The following MBNL2 variants were observed in gnomAD, a reference collection of about 807,000 sequenced individuals.
MBNL2 encodes muscleblind like splicing regulator 2.
Under a neutral mutation model 41.9 loss-of-function variants are expected in MBNL2, and 17 were observed. That is an observed-to-expected ratio of 0.41 (90% CI 0.28 to 0.61). MBNL2 has a LOEUF of 0.61. MBNL2 is among the 20% of genes least tolerant of loss of function. The probability of loss-of-function intolerance (pLI) is 0.35; values close to 1 mark genes in which losing one functional copy is unlikely to be tolerated. For synonymous variants in MBNL2, 195 were observed against 182.9 expected (o/e 1.07, Z -0.53); for missense variants, 336 against 505.6 (o/e 0.66, Z 3.22).
rs1032648479 is a variant in MBNL2 at position 97,393,048 on chromosome 13, C to T, written c.*1599C>T. 4.6e-5 allele frequency: 7 copies of T among 152,508 alleles called. No individual in the cohort carries two copies. The highest frequency in any genetic ancestry group is 6.8e-3 in the Middle Eastern group (2 of 294). The allele number at this position is 152,508 out of a possible 1,614,324, so 9.4% of individuals were successfully genotyped here. ...GAATTACTATCTATTTATCTTATAT[C>T]GTAGATCTGATAACCCTATCTAAAA... On this transcript the variant is annotated 3_prime_UTR_variant, in exon 9 of 9. Coordinates refer to ENST00000679496, the MANE Select transcript of MBNL2 (RefSeq NM_001382683.1).
chr13:97,381,916 C>G lies in MBNL2; in HGVS notation c.1049-9406C>G, dbSNP rs180983744. Among the ~76,000 whole-genome samples the G allele has an allele frequency of 2.2e-4, 33 of 151,964 alleles. 1 individual carries two copies. The East Asian group carries it at 6.4e-3, about 29-fold the overall frequency. On this transcript the variant is annotated intron_variant, in intron 8 of 8. Coordinates refer to ENST00000679496, the MANE Select transcript of MBNL2 (RefSeq NM_001382683.1). ...ATATTATGTTACATAATATTAAGACCTACCTTGGGAATACAGCAGTGAATA... is the reference window on the plus strand; with the variant it reads ...ATATTATGTTACATAATATTAAGACGTACCTTGGGAATACAGCAGTGAATA...
intron 1 of MBNL2, among the ~76,000 whole-genome samples, chr13:97,227,065 CAAA>C (rs5806007): frequency 7.0e-6 from 1 of 143,870 alleles, no homozygotes; most frequent in African/African-American, 2.6e-5. Flanking sequence ...AAAAAAAAAT[CAAA>C]AAAAAAAAAT....
chr13:97,292,289 T>C (rs2056278272), intron 2 of MBNL2, among the ~76,000 whole-genome samples: 1 of 151,844 alleles, frequency 6.6e-6, no homozygotes, highest in Non-Finnish European at 1.5e-5. Flanking sequence ...CCATTTGCAC[T>C]GCTGGTAATT....
At chr13:97,233,692 A>G (rs1406236046) in intron 1 of MBNL2, among the ~76,000 whole-genome samples, 1 of 149,078 alleles carries the variant, frequency 6.7e-6, no homozygotes. Context: ...TTTTTTCTTT[A>G]AAGTTCCCTG....
chr13:97,263,871 G>T (rs1463687675), intron 1 of MBNL2, among the ~76,000 whole-genome samples: 1 of 152,098 alleles, frequency 6.6e-6, no homozygotes, highest in African/African-American at 2.4e-5. Flanking sequence ...GCCCGCCTCG[G>T]CCTCCGAAAG....
At chr13:97,146,437 T>C in the MBNL2 span, among the ~76,000 whole-genome samples, 190 of 152,306 alleles carry the variant, frequency 1.2e-3, 1 homozygote, top group African/African-American at 4.0e-3. Flanking sequence ...ATGAGGTTTG[T>C]AGCTTACAAA....
chr13:97,287,918 G>GTTTTGTTTTGTTTTTTTTTTTTTTT (rs2054901165), intron 2 of MBNL2, among the ~76,000 whole-genome samples: 1 of 124,630 alleles, frequency 8.0e-6, no homozygotes, highest in African/African-American at 3.5e-5. Flanking sequence ...CTAATTTTCT[G>GTTTTGTTTTGTTTTTTTTTTTTTTT]TTTTTTTTTT....
chr13:97,383,245 A>G (rs2065639371), intron 8 of MBNL2, among the ~76,000 whole-genome samples: 1 of 152,168 alleles, frequency 6.6e-6, no homozygotes. Flanking sequence ...GGGGATTATA[A>G]TCAAAGCCTA....
At chr13:97,154,168 G>T in the MBNL2 span, among the ~76,000 whole-genome samples, 8 of 152,150 alleles carry the variant, frequency 5.3e-5, no homozygotes, top group African/African-American at 1.7e-4. Flanking sequence ...TCCTCTGGAA[G>T]CCCAAAGTCA....
rs562469138 is a variant in MBNL2, at chr13:97,335,446, CTTG to C, written c.339+1011_339+1013del. ...GATGGCTACCAGCAAATTTGATTTT[CTTG>C]TTGTGTTCCCTGTGAGATGGGGTGT... On this transcript the variant is annotated intron_variant, in intron 3 of 8. Transcript: ENST00000679496. Among the ~76,000 whole-genome samples the C allele has an allele frequency of 9.8e-4, 149 of 152,182 alleles. 1 individual carries two copies. The highest frequency in any genetic ancestry group is 6.6e-3 in the East Asian group (34 of 5,170).
intron 3 of MBNL2, 58 bp from the exon 4 acceptor site, chr13:97,342,958 A>T: frequency 1.8e-6 from 2 of 1,094,104 alleles, no homozygotes; most frequent in Non-Finnish European, 2.8e-6. Context: ...ATTTGCTGGT[A>T]ATTTTTTAAA....
the MBNL2 span, among the ~76,000 whole-genome samples, chr13:97,149,697 C>G: frequency 6.6e-6 from 1 of 152,100 alleles, no homozygotes; most frequent in East Asian, 1.9e-4. Context: ...AATACTAGAA[C>G]TTGGTGGAGC....
chr13:97,144,423 CTTTTTTTT>C, the MBNL2 span, among the ~76,000 whole-genome samples: 61,317 of 118,532 alleles, frequency 0.52, 15,946 homozygotes, highest in Admixed American at 0.62. Flanking sequence ...CATGATACTT[CTTTTTTTT>C]TTTTTTTTTT....
chr13:97,256,082 A>G (rs2047462721), intron 1 of MBNL2, among the ~76,000 whole-genome samples: 1 of 152,358 alleles, frequency 6.6e-6, no homozygotes, highest in South Asian at 2.1e-4. Context: ...TTATCAGTAT[A>G]TCCATATTTA....
chr13:97,352,052 ATAAATAAATAAT>A (rs1380981761), intron 5 of MBNL2, among the ~76,000 whole-genome samples: 3 of 150,908 alleles, frequency 2.0e-5, no homozygotes, highest in Non-Finnish European at 2.9e-5. Context: ...AAATAAATAA[ATAAATAAATAAT>A]AAATAAATAA....
intron 1 of MBNL2, among the ~76,000 whole-genome samples, chr13:97,269,665 C>A (rs552783388): frequency 6.6e-6 from 1 of 152,162 alleles, no homozygotes; most frequent in East Asian, 1.9e-4. Context: ...AGGAAGAAAG[C>A]GGGCTTAAGG....
chr13:97,328,195 T>A (rs914302780), intron 2 of MBNL2, among the ~76,000 whole-genome samples: 34 of 136,998 alleles, frequency 2.5e-4, no homozygotes, highest in South Asian at 6.8e-4. Context: ...TTTTTTTTTT[T>A]ACACTGCTTC....
chr13:97,169,463 G>C, the MBNL2 span, among the ~76,000 whole-genome samples: 1 of 152,174 alleles, frequency 6.6e-6, no homozygotes, highest in Non-Finnish European at 1.5e-5. Context: ...TCCTCCATGT[G>C]TCCCCAACCA....
chr13:97,315,794 G>T (rs1363457414), intron 2 of MBNL2, among the ~76,000 whole-genome samples: 1 of 151,958 alleles, frequency 6.6e-6, no homozygotes. Context: ...TTGCTCATGG[G>T]TGAGGATGTG....
Sources: allele counts gnomAD v4.1 joint callset (sites outside exome capture counted in the v4.1 genomes callset), GRCh38; gene constraint gnomAD v4.1.1; transcripts MANE v1.5; gene names NCBI Gene and HGNC (gene_info 2026-07-23, HGNC 2026-07-21).